The following SPAG17 variants were observed in gnomAD, a reference collection of about 807,000 sequenced individuals.
SPAG17 encodes the protein sperm associated antigen 17, also known as sperm-associated antigen 17.
Under a neutral mutation model 273.6 loss-of-function variants are expected in SPAG17, and 169 were observed. The observed-to-expected ratio is 0.62, with a 90% CI of 0.55 to 0.70. The LOEUF is 0.70. SPAG17 is among the 30% of genes least tolerant of loss of function. The probability of loss-of-function intolerance (pLI) is 0.00; values close to 1 mark genes in which losing one functional copy is unlikely to be tolerated. For missense variants in SPAG17, 2,557 were observed against 2,627.8 expected, an observed-to-expected ratio of 0.97 and a Z score of 0.59; for synonymous variants, 825 against 873.2, an observed-to-expected ratio of 0.94 and a Z score of 0.97.
chr1:117,988,762 G>A (rs1005506476), intron 38 of SPAG17, among the ~76,000 whole-genome samples: 3 of 151,896 alleles, frequency 2.0e-5, no homozygotes, highest in South Asian at 2.1e-4. Flanking sequence ...CTACTTTTCC[G>A]CATCTTTAAT....
At chr1:117,975,239 C>A (rs1655007420) in intron 43 of SPAG17, among the ~76,000 whole-genome samples, 1 of 152,082 alleles carries the variant, frequency 6.6e-6, no homozygotes, top group African/African-American at 2.4e-5. Context: ...GAGAAACAGG[C>A]ATTCAGACAC....
intron 20 of SPAG17, among the ~76,000 whole-genome samples, chr1:118,050,670 G>T (rs1472164545): frequency 1.3e-5 from 2 of 152,192 alleles, no homozygotes; most frequent in Non-Finnish European, 2.9e-5. Context: ...AATAAATGGT[G>T]CTGGGAAAAC....
intron 3 of SPAG17, among the ~76,000 whole-genome samples, chr1:118,142,916 G>C (rs1225386393): frequency 2.0e-5 from 3 of 152,090 alleles, no homozygotes; most frequent in Admixed American, 6.6e-5. Flanking sequence ...TTTTAGAAAG[G>C]TCTCTCCACA....
intron 38 of SPAG17, among the ~76,000 whole-genome samples, chr1:117,990,272 G>A (rs549859120): frequency 1.4e-4 from 22 of 152,286 alleles, no homozygotes; most frequent in South Asian, 2.1e-4. Context: ...TGAATGAAGC[G>A]CATGGCTGCC....
chr1:118,019,917 G>A (rs1660338468), intron 28 of SPAG17, among the ~76,000 whole-genome samples: 1 of 152,130 alleles, frequency 6.6e-6, no homozygotes, highest in Admixed American at 6.6e-5. Flanking sequence ...TATTTGATAT[G>A]CAATAAATGG....
intron 1 of SPAG17, among the ~76,000 whole-genome samples, chr1:118,164,942 T>A (rs1412031544): frequency 6.6e-6 from 1 of 152,186 alleles, no homozygotes; most frequent in Non-Finnish European, 1.5e-5. Context: ...TTCAAACACG[T>A]CCTGTGTTTT....
chr1:118,003,611 T>C (rs975703234), intron 32 of SPAG17, among the ~76,000 whole-genome samples: 4 of 152,208 alleles, frequency 2.6e-5, no homozygotes, highest in Non-Finnish European at 5.9e-5. Context: ...AAATCAGCTA[T>C]TGAAGCTTGT....
At chr1:118,118,679 C>T (rs1281093403) in intron 3 of SPAG17, among the ~76,000 whole-genome samples, 5 of 152,148 alleles carry the variant, frequency 3.3e-5, no homozygotes, top group Admixed American at 3.3e-4. Flanking sequence ...AGGCTCTACG[C>T]TGAAAGACCA....
intron 43 of SPAG17, among the ~76,000 whole-genome samples, chr1:117,977,290 T>C (rs565679335): frequency 3.9e-5 from 6 of 152,254 alleles, no homozygotes; most frequent in Middle Eastern, 3.4e-3. Flanking sequence ...CACTGCACTC[T>C]AGCCTGGGCG....
At chr1:118,025,674 T>G (rs541743568) in intron 26 of SPAG17, among the ~76,000 whole-genome samples, 58 of 152,184 alleles carry the variant, frequency 3.8e-4, no homozygotes, top group African/African-American at 1.3e-3. Context: ...CTATTTTTTG[T>G]AGACAGAGGG....
intron 36 of SPAG17, 115 bp downstream of exon 36, chr1:117,992,351 T>C: frequency 6.2e-6 from 6 of 963,700 alleles, no homozygotes; most frequent in Non-Finnish European, 9.1e-6. Context: ...GACATCCTTG[T>C]GTTGCACTAG....
intron 48 of SPAG17, chr1:117,961,642 T>A (rs6685906): frequency 6.6e-6 from 1 of 151,984 alleles, no homozygotes; most frequent in African/African-American, 2.4e-5. Flanking sequence ...TAGGCTCAGA[T>A]ATGCAGTCCT....
At chr1:118,030,363 A>G (rs1028416937) in intron 25 of SPAG17, among the ~76,000 whole-genome samples, 10 of 151,094 alleles carry the variant, frequency 6.6e-5, no homozygotes, top group Admixed American at 5.3e-4. Context: ...AATAGTCAAG[A>G]CTTAACCAGT....
At chr1:118,130,881 G>A (rs1658019524) in intron 3 of SPAG17, among the ~76,000 whole-genome samples, 1 of 152,172 alleles carries the variant, frequency 6.6e-6, no homozygotes, top group Non-Finnish European at 1.5e-5. Context: ...TCTTTCCCAA[G>A]AACACAGGGG....
At chr1:118,008,443 A>G (rs1659137492) in intron 30 of SPAG17, among the ~76,000 whole-genome samples, 1 of 152,136 alleles carries the variant, frequency 6.6e-6, no homozygotes, top group Non-Finnish European at 1.5e-5. Context: ...TATTCTCACT[A>G]TTTATTTGCA....
At chr1:117,990,251 T>C (rs1389227232) in intron 38 of SPAG17, among the ~76,000 whole-genome samples, 2 of 152,206 alleles carry the variant, frequency 1.3e-5, no homozygotes, top group Non-Finnish European at 2.9e-5. Flanking sequence ...ACTCAGAACC[T>C]ATCTGTGGGC....
chr1:117,984,679 T>G lies in SPAG17; in HGVS notation c.5769+4A>C, dbSNP rs373296799. ...TTAGATTATAGTTCATTATATTCAA[T>G]TACCTGAGACTGATATAACTGGTTC... On this transcript the variant is annotated splice_donor_region_variant and intron_variant, in intron 41 of 48. Transcript: ENST00000336338. The G allele has an allele frequency of 7.1e-6, 11 of 1,555,668 alleles. No individual in the cohort carries two copies. In the African/African-American group the frequency reaches 1.5e-4, roughly 21 times the overall value.
In SPAG17 at chr1:118,097,668, A is replaced by T. The variant is rs750415091; in HGVS notation, c.1011+2T>A. The T allele has an allele frequency of 6.3e-7, 1 of 1,591,674 alleles. No homozygotes were observed. Among genetic ancestry groups the T allele is most frequent in the East Asian group, 2.2e-5 (1 of 44,488 alleles). On this transcript the variant is annotated splice_donor_variant, in intron 7 of 48. Coordinates refer to ENST00000336338, the MANE Select transcript of SPAG17 (RefSeq NM_206996.4). LOFTEE classifies it high-confidence loss of function. ...TGCACTCTCAGTAATGTGTGTACTAACCATCATCTCACCATCTGACCAGTC... is the reference window on the plus strand; with the variant it reads ...TGCACTCTCAGTAATGTGTGTACTATCCATCATCTCACCATCTGACCAGTC...
intron 10 of SPAG17, 196 bp from the exon 11 acceptor site, chr1:118,087,204 A>G (rs1424959677): frequency 2.4e-6 from 1 of 413,400 alleles, no homozygotes. Flanking sequence ...CCATGCATTA[A>G]GGTAGATATA....
Sources: gnomAD v4.1 joint callset for allele counts (sites outside exome capture counted in the v4.1 genomes callset) on GRCh38, gnomAD v4.1.1 for gene constraint, MANE v1.5 for transcripts, NCBI Gene and HGNC (gene_info 2026-07-23, HGNC 2026-07-21) for gene names.